TRIM66: variants seen among roughly 807,000 people sequenced by gnomAD.
TRIM66 encodes tripartite motif containing 66, also known as tripartite motif-containing protein 66.
In TRIM66, 99 loss-of-function variants were observed where a neutral mutation model predicts 148.2. The ratio of observed to expected loss-of-function variants is 0.67; its 90% CI spans 0.57 to 0.79. The LOEUF (loss-of-function observed/expected upper bound fraction) is 0.79. Ranked by LOEUF, TRIM66 falls within the 30% of genes least tolerant of loss-of-function variation. TRIM66 has a pLI of 0.00. For missense variants in TRIM66, 1,666 were observed against 1,697.9 expected, an observed-to-expected ratio of 0.98 and a Z score of 0.33; for synonymous variants, 616 against 635.9, an observed-to-expected ratio of 0.97 and a Z score of 0.47.
intron 13 of TRIM66, 133 bp from the exon 14 acceptor site, chr11:8,641,285 T>TGATCTCCTA: frequency 1.2e-6 from 1 of 811,316 alleles, no homozygotes; most frequent in Non-Finnish European, 1.9e-6. Context: ...ACTCAACCCT[T>TGATCTCCTA]GATCTCCTAG....
rs2034691713 is a variant in TRIM66 at position 8,625,124 on chromosome 11, G to T, written c.2415C>A (p.Ser805Arg). The T allele has an allele frequency of 6.4e-7, 1 of 1,551,466 alleles. No individual in the cohort carries two copies. Among genetic ancestry groups the T allele is most frequent in the African/African-American group, 1.4e-5 (1 of 73,050 alleles). Residue 805 changes from serine to arginine, a missense_variant, in exon 16 of 25, where the codon AGC (serine) becomes AGA (arginine). Physicochemically the swap from Ser to Arg is moderately radical, Grantham distance 110 (BLOSUM62 -1). Coordinates refer to ENST00000646038, the MANE Select transcript of TRIM66 (RefSeq NM_001388022.1). ...RPLEPQIQSV[S>R]NLTAGAPQAV... ...CCTGGGGGGCACCAGCTGTCAGGTT[G>T]CTCACACTCTGGATCTGTGGCTCTA...
At chr11:8,647,878 C>T (rs373998943) in intron 10 of TRIM66, 92 bp downstream of exon 10, 4 of 981,294 alleles carry the variant, frequency 4.1e-6, no homozygotes, top group Middle Eastern at 2.2e-4. Context: ...AGTTCCTCTT[C>T]ACAGGCACTA....
intron 24 of TRIM66, among the ~76,000 whole-genome samples, chr11:8,618,521 C>G (rs185264713): frequency 6.6e-6 from 1 of 152,206 alleles, no homozygotes; most frequent in East Asian, 1.9e-4. Context: ...GCTGGGTTAC[C>G]CTGGGCAGGG....
chr11:8,648,157 T>A, intron 9 of TRIM66, 71 bp from the exon 10 acceptor site: 1 of 1,345,972 alleles, frequency 7.4e-7, no homozygotes, highest in Non-Finnish European at 1.0e-6. Flanking sequence ...CAAGCGGGAA[T>A]CTCCACAGGG....
At chr11:8,642,940 C>G in intron 13 of TRIM66, 69 bp downstream of exon 13, 1 of 1,091,900 alleles carries the variant, frequency 9.2e-7, no homozygotes, top group Non-Finnish European at 1.3e-6. Flanking sequence ...GCTGACCTAC[C>G]CAGTAAGGTA....
chr11:8,647,936 T>C lies in TRIM66; in HGVS notation c.842+34A>G, dbSNP rs758072483. On this transcript the variant is annotated intron_variant, in intron 10 of 24. Transcript: ENST00000646038. ...ACCCTGGGTGTGCGGGAACAGAGCA[T>C]TTCCAGCACTGGCAAGGCACTAGCC... 11 of 1,495,680 alleles carry C rather than the reference T, an allele frequency of 7.4e-6. No individual in the cohort carries two copies. The African/African-American group carries it at 1.3e-4, about 17-fold the overall frequency. The allele number at this position is 1,495,680 out of a possible 1,614,324, so 92.7% of individuals were successfully genotyped here. A position where few individuals can be genotyped will look rare whatever the true frequency, so the allele number is the denominator to read the frequency against.
intron 15 of TRIM66, among the ~76,000 whole-genome samples, chr11:8,632,728 G>A (rs1201657148): frequency 1.3e-5 from 2 of 152,100 alleles, no homozygotes; most frequent in Non-Finnish European, 2.9e-5. Flanking sequence ...TCCAAAGTGT[G>A]GGATTACAGG....
chr11:8,651,719 T>G, intron 7 of TRIM66, 81 bp downstream of exon 7: 1 of 1,066,682 alleles, frequency 9.4e-7, no homozygotes, highest in East Asian at 2.6e-5. Flanking sequence ...GATAGAGTGA[T>G]GGATGGATAG....
In TRIM66 at chr11:8,658,890, G is replaced by A. The variant is rs528575762; in HGVS notation, c.341-6987C>T. 3.4e-5 allele frequency: 26 copies of A among 775,862 alleles called. No individual in the cohort carries two copies. The Admixed American group carries it at 7.5e-4, about 22-fold the overall frequency. 48.1% of individuals were successfully genotyped at this position (775,862 alleles called of 1,614,324 possible). ...TCACCTGAAGTCCTTATCCTGTGAC[G>A]TCACAGTCAGTTGCCATAGTGACCA... On this transcript the variant is annotated intron_variant, in intron 6 of 24. Transcript: ENST00000646038.
intron 14 of TRIM66, among the ~76,000 whole-genome samples, chr11:8,639,129 C>G (rs1037193220): frequency 6.6e-6 from 1 of 152,220 alleles, no homozygotes; most frequent in African/African-American, 2.4e-5. Flanking sequence ...CTAGACCCTT[C>G]TCTGCCATCA....
At position 8,613,301 on chromosome 11, in the gene TRIM66, C is replaced by T. The variant is rs932148530; in HGVS notation, c.*4643G>A. ...TTGTTTTTCTGGATTCTCTGAGAAT[C>T]CAGAGACTTGTGGTGTCATAAAAGC... is the stretch of plus-strand genomic sequence containing the variant. On this transcript the variant is annotated 3_prime_UTR_variant, in exon 25 of 25. Transcript: ENST00000646038. 6.6e-6 allele frequency: 1 copy of T among 152,066 alleles called. No homozygotes were observed. Among genetic ancestry groups the T allele is most frequent in the Non-Finnish European group, 1.5e-5 (1 of 68,022 alleles). 9.4% of individuals were successfully genotyped at this position (152,066 alleles called of 1,614,324 possible). A position where few individuals can be genotyped will look rare whatever the true frequency, so the allele number is the denominator to read the frequency against.
At chr11:8,654,833 G>C (rs973768142) in intron 6 of TRIM66, among the ~76,000 whole-genome samples, 1 of 152,084 alleles carries the variant, frequency 6.6e-6, no homozygotes, top group African/African-American at 2.4e-5. Flanking sequence ...GATGGTAAAT[G>C]AGGACTGCAT....
At chr11:8,655,241 G>A (rs567182769) in intron 6 of TRIM66, among the ~76,000 whole-genome samples, 62 of 152,302 alleles carry the variant, frequency 4.1e-4, no homozygotes, top group Non-Finnish European at 8.8e-4. Flanking sequence ...GAAGCCACCT[G>A]GAAGTTTTCT....
chr11:8,682,451 G>C (rs571006698), intron 1 of TRIM66, 150 bp downstream of exon 1: 3 of 349,838 alleles, frequency 8.6e-6, no homozygotes, highest in East Asian at 7.2e-5. Flanking sequence ...CTCAGACAAC[G>C]AGGCCCTTAG....
chr11:8,628,636 A>AAG (rs55732506), intron 15 of TRIM66, among the ~76,000 whole-genome samples: 34 of 93,384 alleles, frequency 3.6e-4, no homozygotes, highest in African/African-American at 1.2e-3. Context: ...AAAAAAAAAA[A>AAG]AGAGAGAGAA....
chr11:8,654,043 G>A (rs2037598726), intron 6 of TRIM66, among the ~76,000 whole-genome samples: 1 of 152,142 alleles, frequency 6.6e-6, no homozygotes, highest in South Asian at 2.1e-4. Context: ...TCTAATTGTT[G>A]AAAACGACTT....
Position 8,624,529 on chromosome 11 carries a change from C to T in TRIM66, c.2849G>A (p.Arg950His), listed in dbSNP as rs2034623341. 3.9e-6 allele frequency: 6 copies of T among 1,530,148 alleles called. No homozygotes were observed. In the East Asian group the frequency reaches 7.4e-5, roughly 19 times the overall value. 94.8% of individuals were successfully genotyped at this position (1,530,148 alleles called of 1,614,324 possible). A position where few individuals can be genotyped will look rare whatever the true frequency, so the allele number is the denominator to read the frequency against. The change falls in exon 17 of 25, where the codon CGC becomes CAC. Residue 950 changes from arginine to histidine, a missense_variant. Arg to His is a conservative substitution (Grantham distance 29). Coordinates refer to ENST00000646038, the MANE Select transcript of TRIM66 (RefSeq NM_001388022.1). ...LCKMESEDST[R>H]FTDLLGQGPI... ...ACCTTGTCCCAGTAAGTCAGTGAAG[C>T]GAGTGGAATCCTCACTTTCCATCTT...
Position 8,640,433 on chromosome 11 carries a change from G to A in TRIM66, c.1942C>T (p.Gln648Ter), listed in dbSNP as rs1325149252. 6 of 1,551,478 alleles carry A rather than the reference G, an allele frequency of 3.9e-6. No homozygotes were observed. Among genetic ancestry groups the A allele is most frequent in the Non-Finnish European group, 5.2e-6 (6 of 1,147,016 alleles). Residue 648 changes from glutamine to a stop codon, truncating the protein, a stop_gained, in exon 14 of 25, where the codon CAG becomes TAG. Transcript: ENST00000646038. LOFTEE classifies it high-confidence loss of function. Reference sequence around the variant, plus strand: ...TTGTGATGCATTATGTCCATGTTCTGAGAACAGGCAGGGCCAGGAGGGCTC... The same window carrying A: ...TTGTGATGCATTATGTCCATGTTCTAAGAACAGGCAGGGCCAGGAGGGCTC... ...HESPPGPACSQNMDIMHHKFE... is the reference protein window; with the variant it reads ...HESPPGPACS
intron 8 of TRIM66, among the ~76,000 whole-genome samples, 200 bp downstream of exon 8, chr11:8,649,540 C>T (rs1223004951): frequency 3.3e-5 from 5 of 152,122 alleles, no homozygotes; most frequent in Admixed American, 3.3e-4. Context: ...CACACTCATC[C>T]ACCCCCACCA....
Sources: allele counts gnomAD v4.1 joint callset (sites outside exome capture counted in the v4.1 genomes callset), GRCh38; gene constraint gnomAD v4.1.1; transcripts MANE v1.5; gene names NCBI Gene and HGNC (gene_info 2026-07-23, HGNC 2026-07-21).